GLT1D1: variants seen among roughly 807,000 people sequenced by gnomAD.
The protein encoded by GLT1D1 is glycosyltransferase 1 domain containing 1.
In GLT1D1, 21 loss-of-function variants were observed where a neutral mutation model predicts 28.7. The ratio of observed to expected loss-of-function variants is 0.73; its 90% confidence interval spans 0.52 to 1.05. The LOEUF is 1.05. GLT1D1 is among the 50% of genes least tolerant of loss of function. The pLI is 0.00. For synonymous variants in GLT1D1, 147 were observed against 124.8 expected (o/e 1.18, Z -1.19); for missense variants, 343 against 330.6 (o/e 1.04, Z -0.29).
At chr12:128,882,402 G>A (rs761766981) in intron 2 of GLT1D1, among the ~76,000 whole-genome samples, 13 of 151,016 alleles carry the variant, frequency 8.6e-5, no homozygotes, top group East Asian at 1.9e-4. Flanking sequence ...TCAGCCTCTC[G>A]AGTAGCTGGG....
intron 4 of GLT1D1, among the ~76,000 whole-genome samples, chr12:128,937,046 T>A (rs1421278569): frequency 2.0e-5 from 3 of 152,226 alleles, no homozygotes; most frequent in African/African-American, 7.2e-5. Context: ...TGTGGTCTTA[T>A]AAAATTTGAT....
intron 1 of GLT1D1, among the ~76,000 whole-genome samples, chr12:128,874,096 CTT>C (rs1491426545): frequency 0.078 from 1,978 of 25,434 alleles, 75 homozygotes; most frequent in Non-Finnish European, 0.082. Flanking sequence ...TTCTTTCTTT[CTT>C]TCTCTCTCTC....
chr12:128,897,659 A>G (rs1274287583), intron 3 of GLT1D1, among the ~76,000 whole-genome samples: 1 of 152,032 alleles, frequency 6.6e-6, no homozygotes, highest in Admixed American at 6.6e-5. Context: ...ACCTTATGCT[A>G]TGTCAAATTC....
At chr12:128,884,434 A>G (rs1267516893) in intron 2 of GLT1D1, among the ~76,000 whole-genome samples, 1 of 152,222 alleles carries the variant, frequency 6.6e-6, no homozygotes, top group African/African-American at 2.4e-5. Context: ...CAAAAAGCAC[A>G]AAATTTCAGC....
chr12:128,948,543 T>A (rs7312893), intron 6 of GLT1D1, among the ~76,000 whole-genome samples: 68,191 of 152,018 alleles, frequency 0.45, 16,473 homozygotes, highest in Non-Finnish European at 0.54. Flanking sequence ...TGTTTTCCTG[T>A]CGAAAGGAAA....
At chr12:128,948,521 C>T (rs1343372250) in intron 6 of GLT1D1, among the ~76,000 whole-genome samples, 5 of 152,114 alleles carry the variant, frequency 3.3e-5, no homozygotes, top group South Asian at 2.1e-4. Flanking sequence ...TTGATGGGCA[C>T]GTGATAAAGC....
intron 7 of GLT1D1, among the ~76,000 whole-genome samples, chr12:128,969,561 G>A (rs548326129): frequency 5.3e-5 from 8 of 152,290 alleles, no homozygotes; most frequent in Middle Eastern, 3.4e-3. Flanking sequence ...GGGCCAGGAC[G>A]CGGGTGAGCC....
At chr12:128,967,695 C>G (rs1878590855) in intron 7 of GLT1D1, among the ~76,000 whole-genome samples, 2 of 152,256 alleles carry the variant, frequency 1.3e-5, no homozygotes, top group Non-Finnish European at 2.9e-5. Flanking sequence ...CCGTCTCACT[C>G]TTACTTCGAG....
chr12:128,934,031 C>T (rs1380928423), intron 4 of GLT1D1, among the ~76,000 whole-genome samples: 1 of 152,074 alleles, frequency 6.6e-6, no homozygotes, highest in Non-Finnish European at 1.5e-5. Context: ...GACGGGAGTG[C>T]ACTCTGCTTC....
chr12:128,974,940 C>T (rs1879619858), intron 7 of GLT1D1, among the ~76,000 whole-genome samples: 1 of 152,230 alleles, frequency 6.6e-6, no homozygotes, highest in Non-Finnish European at 1.5e-5. Flanking sequence ...AAGCATTTGC[C>T]CCTCATTGAG....
chr12:128,860,375 C>T (rs143366951), intron 1 of GLT1D1, among the ~76,000 whole-genome samples: 2,313 of 152,270 alleles, frequency 0.015, 29 homozygotes, highest in Non-Finnish European at 0.022. Flanking sequence ...GCAGGAGAAT[C>T]GCTTGAACCC....
At chr12:128,958,913 C>T (rs974058329) in intron 7 of GLT1D1, among the ~76,000 whole-genome samples, 1 of 135,622 alleles carries the variant, frequency 7.4e-6, no homozygotes, top group Non-Finnish European at 1.5e-5. Context: ...TCATGGCTTA[C>T]TACAGCCTTG....
Position 128,982,819 on chromosome 12 carries a change from A to T in GLT1D1, c.640-110A>T, listed in dbSNP as rs77461399. The T allele has an allele frequency of 2.9e-3, 2,575 of 888,022 alleles. 45 individuals are homozygous for T. The African/African-American group carries it at 0.038, about 13-fold the overall frequency. The allele number at this position is 888,022 out of a possible 1,614,324, so 55.0% of individuals were successfully genotyped here. A position where few individuals can be genotyped will look rare whatever the true frequency, so the allele number is the denominator to read the frequency against. On this transcript the variant is annotated intron_variant, in intron 7 of 7. Transcript: ENST00000281703. The stretch of plus-strand genomic sequence containing the variant: ...AAAAGTCACTCTCTCCAGGCCCAGG[A>T]GGCAGACAAGGGCAAGGCCAGCAGC...
At chr12:128,971,866 TC>T (rs1308001432) in intron 7 of GLT1D1, among the ~76,000 whole-genome samples, 3 of 40,890 alleles carry the variant, frequency 7.3e-5, no homozygotes, top group Non-Finnish European at 1.2e-4. Context: ...CCCCCCTCCC[TC>T]CTCCCTCCCT....
intron 4 of GLT1D1, among the ~76,000 whole-genome samples, chr12:128,939,400 A>G (rs1349588286): frequency 7.6e-6 from 1 of 130,994 alleles, no homozygotes; most frequent in Non-Finnish European, 1.6e-5. Context: ...TGTCTCTACT[A>G]AAAAAAAAAA....
At chr12:128,889,039 G>A (rs1036685781) in intron 3 of GLT1D1, among the ~76,000 whole-genome samples, 1 of 152,158 alleles carries the variant, frequency 6.6e-6, no homozygotes, top group Non-Finnish European at 1.5e-5. Flanking sequence ...AGCTGCTTGG[G>A]AGGCTGAGGC....
Position 128,982,975 on chromosome 12 carries a change from A to T in GLT1D1, c.686A>T (p.Glu229Val). 2 of 1,614,052 alleles carry T rather than the reference A, an allele frequency of 1.2e-6. No individual in the cohort carries two copies. The highest frequency in any genetic ancestry group is 8.5e-7 in the Non-Finnish European group (1 of 1,179,914). ...AGACTGGTTAGTGATCCTGCATTAGAAAAGGAAATCGTAGTGAACGGAAGG... is the reference window on the plus strand; with the variant it reads ...AGACTGGTTAGTGATCCTGCATTAGTAAAGGAAATCGTAGTGAACGGAAGG... The change falls in exon 8 of 8, where the codon GAA becomes GTA. Residue 229 changes from glutamate to valine, a missense_variant. Physicochemically the swap from Glu to Val is moderately radical, Grantham distance 121. Transcript: ENST00000281703.
chr12:128,881,594 A>ATC (rs1566099516), intron 2 of GLT1D1, among the ~76,000 whole-genome samples: 1 of 119,712 alleles, frequency 8.4e-6, no homozygotes, highest in Non-Finnish European at 1.7e-5. Context: ...ATATATATAT[A>ATC]AAATTTATAG....
chr12:128,982,957 T>C lies in GLT1D1; in HGVS notation c.668T>C (p.Val223Ala), dbSNP rs374640326. 2 of 1,614,070 alleles carry C rather than the reference T, an allele frequency of 1.2e-6. No homozygotes were observed. Among genetic ancestry groups the C allele is most frequent in the Non-Finnish European group, 1.7e-6 (2 of 1,179,940 alleles). The change falls in exon 8 of 8, where the codon GTT becomes GCT. Residue 223 changes from valine to alanine, a missense_variant. Val to Ala is a moderately conservative substitution (Grantham distance 64, BLOSUM62 0). Transcript: ENST00000281703. ...TTTGTTCATCTGGCAAAGAGACTGGTTAGTGATCCTGCATTAGAAAAGGAA... is the reference window on the plus strand; with the variant it reads ...TTTGTTCATCTGGCAAAGAGACTGGCTAGTGATCCTGCATTAGAAAAGGAA...
Sources: gnomAD v4.1 joint callset for allele counts (sites outside exome capture counted in the v4.1 genomes callset) on GRCh38, gnomAD v4.1.1 for gene constraint, MANE v1.5 for transcripts, NCBI Gene and HGNC (gene_info 2026-07-23, HGNC 2026-07-21) for gene names.